Variants in VAMP4 observed in about 807,000 individuals in gnomAD.
VAMP4 encodes the protein vesicle associated membrane protein 4.
A neutral mutation model predicts 23.5 loss-of-function variants in VAMP4; 19 were observed. The observed-to-expected ratio is 0.81, with a 90% CI of 0.56 to 1.19. The LOEUF is 1.19. Among genes scored for constraint, VAMP4 ranks in the 50% most tolerant of loss-of-function variants. The pLI is 0.00. For missense variants in VAMP4, 145 were observed against 168.6 expected (o/e 0.86, Z 0.78); for synonymous variants, 31 against 51.0 (o/e 0.61, Z 1.67).
chr1:171,734,151 C>A (rs1217148044), intron 2 of VAMP4, among the ~76,000 whole-genome samples: 1 of 151,682 alleles, frequency 6.6e-6, no homozygotes, highest in East Asian at 1.9e-4. Context: ...GCCTGTAATC[C>A]CAGCTACTTG....
intron 3 of VAMP4, among the ~76,000 whole-genome samples, 179 bp downstream of exon 3, chr1:171,728,345 G>A (rs1418731357): frequency 1.3e-5 from 2 of 152,092 alleles, no homozygotes; most frequent in Admixed American, 6.5e-5. Flanking sequence ...AGTACCTAAC[G>A]TTATGTCACA....
chr1:171,722,360 A>G (rs1655223438), intron 3 of VAMP4, among the ~76,000 whole-genome samples: 1 of 152,156 alleles, frequency 6.6e-6, no homozygotes, highest in Non-Finnish European at 1.5e-5. Context: ...GATTTCATGA[A>G]TAAAACACCA....
intron 3 of VAMP4, among the ~76,000 whole-genome samples, chr1:171,721,575 T>C (rs1270125311): frequency 6.6e-6 from 1 of 152,160 alleles, no homozygotes; most frequent in Non-Finnish European, 1.5e-5. Flanking sequence ...TGAAAATCAA[T>C]GTGCAAAAAT....
intron 3 of VAMP4, among the ~76,000 whole-genome samples, chr1:171,719,675 G>A (rs954444916): frequency 6.6e-6 from 1 of 151,944 alleles, no homozygotes; most frequent in African/African-American, 2.4e-5. Flanking sequence ...TGACAAAGAT[G>A]GATATAGAGA....
chr1:171,717,558 T>C (rs568338167), intron 4 of VAMP4, among the ~76,000 whole-genome samples: 2 of 152,256 alleles, frequency 1.3e-5, no homozygotes, highest in South Asian at 2.1e-4. Context: ...AACCACAGCC[T>C]AGAAATAGCT....
At position 171,703,419 on chromosome 1, in the gene VAMP4, T is replaced by TATATATATA. The variant is rs1553258233; in HGVS notation, c.*1086_*1087insTATATATAT. On this transcript the variant is annotated 3_prime_UTR_variant, in exon 8 of 8. Transcript: ENST00000236192. ...TGTGTGTGTGTGTGTGTGTGTGTGT[T>TATATATATA]TGTGTGTATATATATATATATATAT... 1.1e-5 allele frequency: 1 copy of TATATATATA among 87,948 alleles called. No individual in the cohort carries two copies. Among genetic ancestry groups the TATATATATA allele is most frequent in the African/African-American group, 4.1e-5 (1 of 24,396 alleles). 5.4% of individuals were successfully genotyped at this position (87,948 alleles called of 1,614,324 possible). A position where few individuals can be genotyped will look rare whatever the true frequency, so the allele number is the denominator to read the frequency against.
intron 3 of VAMP4, among the ~76,000 whole-genome samples, chr1:171,727,906 G>T (rs1024265572): frequency 6.6e-5 from 10 of 152,140 alleles, no homozygotes; most frequent in African/African-American, 1.9e-4. Context: ...GCAGAGCACT[G>T]GTTGCCTAGG....
At position 171,709,763 on chromosome 1, in the gene VAMP4, GGA is replaced by G; in HGVS notation, c.266-21_266-20del. Reference sequence around the variant, plus strand: ...AAGCTTTCTATATCACATAGAGGATGGAGAGAAGGATTAAACGACATAACAGG... The same window carrying G: ...AAGCTTTCTATATCACATAGAGGATGGAGAAGGATTAAACGACATAACAGG... On this transcript the variant is annotated intron_variant, in intron 5 of 7. Transcript: ENST00000236192. 1 of 1,582,674 alleles carries G rather than the reference GGA, an allele frequency of 6.3e-7. No individual in the cohort carries two copies. Among genetic ancestry groups the G allele is most frequent in the Non-Finnish European group, 8.7e-7 (1 of 1,151,936 alleles).
At chr1:171,731,425 T>A (rs58503534) in intron 2 of VAMP4, among the ~76,000 whole-genome samples, 24,498 of 151,366 alleles carry the variant, frequency 0.16, 2,377 homozygotes, top group African/African-American at 0.27. Context: ...ATAATAATAA[T>A]AAAAAAAACA....
chr1:171,704,444 A>G lies in VAMP4; in HGVS notation c.*62T>C, dbSNP rs1259522193. The G allele has an allele frequency of 2.1e-6, 3 of 1,433,974 alleles. No homozygotes were observed. Among genetic ancestry groups the G allele is most frequent in the South Asian group, 2.8e-5 (2 of 71,566 alleles). 88.8% of individuals were successfully genotyped at this position (1,433,974 alleles called of 1,614,324 possible). A position where few individuals can be genotyped will look rare whatever the true frequency, so the allele number is the denominator to read the frequency against. Reference sequence around the variant, plus strand: ...TTATATACACATAGGTTTCATTTAAATTATGCAGCAATCTTTTATTACTGT... The same window carrying G: ...TTATATACACATAGGTTTCATTTAAGTTATGCAGCAATCTTTTATTACTGT... On this transcript the variant is annotated 3_prime_UTR_variant, in exon 8 of 8. Coordinates refer to ENST00000236192, the MANE Select transcript of VAMP4 (RefSeq NM_003762.5).
chr1:171,739,913 T>A (rs1291337548), intron 1 of VAMP4, among the ~76,000 whole-genome samples: 1 of 152,242 alleles, frequency 6.6e-6, no homozygotes, highest in Non-Finnish European at 1.5e-5. Context: ...CTAAAATTTT[T>A]TTTTGCGAAA....
intron 2 of VAMP4, among the ~76,000 whole-genome samples, chr1:171,728,978 T>C (rs891208939): frequency 6.6e-6 from 1 of 152,146 alleles, no homozygotes; most frequent in Non-Finnish European, 1.5e-5. Flanking sequence ...GAGAAGAGTA[T>C]AGAGGGAGTT....
chr1:171,737,252 T>C (rs917753955), intron 2 of VAMP4, among the ~76,000 whole-genome samples: 6 of 152,140 alleles, frequency 3.9e-5, no homozygotes, highest in African/African-American at 1.4e-4. Flanking sequence ...TACATATTTG[T>C]TGAATGAATC....
rs1423194839 is a variant in VAMP4, at chr1:171,701,228, C to CCAAT, written c.*3274_*3277dup. 6.6e-6 allele frequency: 1 copy of CCAAT among 152,164 alleles called. No homozygotes were observed. The highest frequency in any genetic ancestry group is 1.5e-5 in the Non-Finnish European group (1 of 68,026). 9.4% of individuals were successfully genotyped at this position (152,164 alleles called of 1,614,324 possible). On this transcript the variant is annotated 3_prime_UTR_variant, in exon 8 of 8. Transcript: ENST00000236192. ...CTCTCAACTCACAGAAAAATGGAGT[C>CCAAT]CAATCACATTTCCATGTGAAAACAC...
At chr1:171,738,208 G>A in intron 2 of VAMP4, 141 bp downstream of exon 2, 1 of 838,958 alleles carries the variant, frequency 1.2e-6, no homozygotes, top group Non-Finnish European at 1.9e-6. Context: ...CTGGGCTCAA[G>A]CTATTCTGCT....
At chr1:171,718,184 A>G (rs1461308609) in intron 4 of VAMP4, among the ~76,000 whole-genome samples, 2 of 152,184 alleles carry the variant, frequency 1.3e-5, no homozygotes, top group East Asian at 3.8e-4. Context: ...CTTTGGTTCC[A>G]TATCTCAAAA....
chr1:171,722,818 C>A (rs1339560362), intron 3 of VAMP4, among the ~76,000 whole-genome samples: 3 of 148,874 alleles, frequency 2.0e-5, no homozygotes, highest in African/African-American at 7.6e-5. Context: ...GGAGTGTAAA[C>A]TAGTTCAACC....
chr1:171,719,420 T>C (rs1655119719), intron 3 of VAMP4, among the ~76,000 whole-genome samples, 199 bp from the exon 4 acceptor site: 1 of 152,132 alleles, frequency 6.6e-6, no homozygotes, highest in Non-Finnish European at 1.5e-5. Flanking sequence ...TCATTGGCAC[T>C]TATTACTAGC....
intron 6 of VAMP4, among the ~76,000 whole-genome samples, chr1:171,706,884 A>G (rs1365317990): frequency 6.6e-6 from 1 of 152,176 alleles, no homozygotes; most frequent in Non-Finnish European, 1.5e-5. Flanking sequence ...TTTTTTATTA[A>G]TCTGAAGCAT....
Sources: gnomAD v4.1 joint callset for allele counts (sites outside exome capture counted in the v4.1 genomes callset) on GRCh38, gnomAD v4.1.1 for gene constraint, MANE v1.5 for transcripts, NCBI Gene and HGNC (gene_info 2026-07-23, HGNC 2026-07-21) for gene names.